Variants in MPDZ observed in about 807,000 individuals in gnomAD.
MPDZ encodes the protein multiple PDZ domain crumbs cell polarity complex component.
A neutral mutation model predicts 239.1 loss-of-function variants in MPDZ; 234 were observed. The ratio of observed to expected loss-of-function variants is 0.98; its 90% CI spans 0.88 to 1.09. The LOEUF (loss-of-function observed/expected upper bound fraction) is 1.09, where lower values mean the gene tolerates loss of function less well. MPDZ is among the 50% of genes least tolerant of loss of function. The probability of loss-of-function intolerance (pLI) is 0.00; values close to 1 mark genes in which losing one functional copy is unlikely to be tolerated. For synonymous variants in MPDZ, 1,048 were observed against 881.3 expected, an observed-to-expected ratio of 1.19 and a Z score of -3.35; for missense variants, 3,175 against 2,510.0, an observed-to-expected ratio of 1.26 and a Z score of -5.66.
intron 1 of MPDZ, among the ~76,000 whole-genome samples, chr9:13,260,261 G>GT (rs1476495799): frequency 3.9e-5 from 6 of 152,092 alleles, no homozygotes; most frequent in Admixed American, 1.3e-4. Context: ...AAGAAGCCAG[G>GT]TAAGAGGCAT....
rs760269577 is a variant in MPDZ at position 13,183,422 on chromosome 9, G to T, written c.2645C>A (p.Pro882His). 4 of 1,604,734 alleles carry T rather than the reference G, an allele frequency of 2.5e-6. No homozygotes were observed. In the East Asian group the frequency reaches 9.0e-5, roughly 36 times the overall value. ...AAATTGGCTTTTCCTTTGTACCTTA[G>T]GAGGAGATGATGGAAGGGAAGAACC... ...NYGSSLPSSP[P>H]KDVIENSCDP... The change falls in exon 19 of 47, where the codon CCT becomes CAT. Residue 882 changes from proline to histidine, a missense_variant. Pro to His is a moderately conservative substitution (Grantham distance 77). Transcript: ENST00000319217.
chr9:13,205,121 A>T lies in MPDZ; in HGVS notation c.1475-14T>A, dbSNP rs1252016740. 1 of 1,315,736 alleles carries T rather than the reference A, an allele frequency of 7.6e-7. No individual in the cohort carries two copies. The highest frequency in any genetic ancestry group is 1.5e-5 in the African/African-American group (1 of 64,820). The allele number at this position is 1,315,736 out of a possible 1,614,324, so 81.5% of individuals were successfully genotyped here. A position where few individuals can be genotyped will look rare whatever the true frequency, so the allele number is the denominator to read the frequency against. ...TTTCATAATTTTCTTAAAGATAAAA[A>T]TATTTTAGTAATTTTATCTTTAGTA... On this transcript the variant is annotated splice_polypyrimidine_tract_variant and intron_variant, in intron 11 of 46. Transcript: ENST00000319217.
chr9:13,140,382 T>TTATATATATACATATATATATATATATA (rs1947475972), intron 27 of MPDZ, among the ~76,000 whole-genome samples: 1 of 144,104 alleles, frequency 6.9e-6, no homozygotes, highest in African/African-American at 2.6e-5. Context: ...GTTAAATATT[T>TTATATATATACATATATATATATATATA]TATATATATA....
rs1301065473 is a variant in MPDZ at position 13,242,629 on chromosome 9, C to A, written c.183+5006G>T. Reference sequence around the variant, plus strand: ...ATCCAAAAAAAAAAATGCAAAAGAACAAAGGTGATTAACCAACCAACAAAT... The same window carrying A: ...ATCCAAAAAAAAAAATGCAAAAGAAAAAAGGTGATTAACCAACCAACAAAT... On this transcript the variant is annotated intron_variant, in intron 3 of 46. Transcript: ENST00000319217. Among the ~76,000 whole-genome samples the A allele has an allele frequency of 2.6e-5, 4 of 151,298 alleles. No individual in the cohort carries two copies. The South Asian group carries it at 6.3e-4, about 24-fold the overall frequency.
At chr9:13,119,724 T>C in intron 38 of MPDZ, 75 bp from the exon 39 acceptor site, 1 of 1,571,028 alleles carries the variant, frequency 6.4e-7, no homozygotes, top group East Asian at 2.2e-5. Context: ...AAAAGTTACG[T>C]TTTTACCCAA....
At chr9:13,270,840 A>G (rs1006575812) in intron 1 of MPDZ, among the ~76,000 whole-genome samples, 2 of 152,192 alleles carry the variant, frequency 1.3e-5, no homozygotes, top group African/African-American at 4.8e-5. Flanking sequence ...AATGGCAATT[A>G]TTTGAATAAT....
Position 13,123,255 on chromosome 9 carries a change from A to G in MPDZ, c.4851T>C (p.Pro1617=). The G allele has an allele frequency of 6.2e-7, 1 of 1,613,234 alleles. No individual in the cohort carries two copies. The highest frequency in any genetic ancestry group is 8.5e-7 in the Non-Finnish European group (1 of 1,179,636). Reference sequence around the variant, plus strand: ...AGCCAGGGATAATGGGGCAGGTTGCAGGATCAGAAGCAAAAATTGCTGGTG... The same window carrying G: ...AGCCAGGGATAATGGGGCAGGTTGCGGGATCAGAAGCAAAAATTGCTGGTG... The part of the protein sequence containing the change: ...SSTPAIFASD[P]ATCPIIPGCE... The change falls in exon 36 of 47, where the codon CCT becomes CCC. Residue 1617 remains proline, a synonymous_variant. Coordinates refer to ENST00000319217, the MANE Select transcript of MPDZ (RefSeq NM_001378778.1).
intron 1 of MPDZ, among the ~76,000 whole-genome samples, chr9:13,277,780 G>T (rs10960995): frequency 0.057 from 8,656 of 152,156 alleles, 565 homozygotes; most frequent in East Asian, 0.19. Flanking sequence ...GGCCAGCCTG[G>T]TCTTGAACTC....
intron 10 of MPDZ, among the ~76,000 whole-genome samples, chr9:13,215,878 C>T (rs996919128): frequency 6.7e-6 from 1 of 149,404 alleles, no homozygotes; most frequent in African/African-American, 2.5e-5. Flanking sequence ...AGGAATCCTC[C>T]CACCTTGGCC....
At chr9:13,140,619 C>G (rs747641449) in intron 27 of MPDZ, among the ~76,000 whole-genome samples, 1 of 151,080 alleles carries the variant, frequency 6.6e-6, no homozygotes, top group Non-Finnish European at 1.5e-5. Flanking sequence ...CTATTTTAAG[C>G]CAATGAATTA....
intron 44 of MPDZ, among the ~76,000 whole-genome samples, chr9:13,110,406 T>C (rs577635583): frequency 2.0e-5 from 3 of 152,344 alleles, no homozygotes; most frequent in East Asian, 1.9e-4. Context: ...TGCTAAGGCC[T>C]GGATTTTTTT....
At chr9:13,214,958 C>T (rs1339079778) in intron 10 of MPDZ, among the ~76,000 whole-genome samples, 1 of 151,850 alleles carries the variant, frequency 6.6e-6, no homozygotes, top group Non-Finnish European at 1.5e-5. Flanking sequence ...TAAAGGACTC[C>T]TCCATTTTTT....
rs796810369 is a variant in MPDZ at position 13,214,428 on chromosome 9, G to A, written c.1290+2346C>T. Reference sequence around the variant, plus strand: ...TGCCCAGGACTGGGAGAATGGGGGAGAAGGTGACTGCTAAGGGGTACTGAA... The same window carrying A: ...TGCCCAGGACTGGGAGAATGGGGGAAAAGGTGACTGCTAAGGGGTACTGAA... On this transcript the variant is annotated intron_variant, in intron 10 of 46. Transcript: ENST00000319217. Among the ~76,000 whole-genome samples, 6 of 151,976 alleles carry A rather than the reference G, an allele frequency of 3.9e-5. No homozygotes were observed. In the East Asian group the frequency reaches 1.2e-3, roughly 30 times the overall value.
chr9:13,249,020 C>T (rs1032439532), intron 2 of MPDZ, among the ~76,000 whole-genome samples: 2 of 105,200 alleles, frequency 1.9e-5, no homozygotes, highest in Non-Finnish European at 4.2e-5. Context: ...TTGGAATCAT[C>T]ACCAGAGATA....
intron 1 of MPDZ, among the ~76,000 whole-genome samples, chr9:13,272,809 G>C (rs13297131): frequency 0.15 from 22,660 of 151,830 alleles, 1,899 homozygotes; most frequent in Non-Finnish European, 0.16. Flanking sequence ...TGTGGGGAGT[G>C]AGAAGCCGAG....
intron 25 of MPDZ, 25 bp from the exon 26 acceptor site, chr9:13,147,683 C>T (rs1313401653): frequency 1.3e-6 from 2 of 1,562,414 alleles, no homozygotes; most frequent in Admixed American, 3.4e-5. Context: ...CTCAGCTTAA[C>T]ATTTCAAGAA....
intron 19 of MPDZ, among the ~76,000 whole-genome samples, chr9:13,181,531 A>C (rs1953330444): frequency 6.6e-6 from 1 of 152,190 alleles, no homozygotes. Flanking sequence ...GGAGTTTCAC[A>C]ATGTGTTTTA....
In MPDZ at chr9:13,176,247, A is replaced by G. The variant is rs1952472104; in HGVS notation, c.2820T>C (p.Ile940=). The G allele has an allele frequency of 6.2e-7, 1 of 1,607,788 alleles. No individual in the cohort carries two copies. Among genetic ancestry groups the G allele is most frequent in the African/African-American group, 1.3e-5 (1 of 74,890 alleles). The stretch of plus-strand genomic sequence containing the variant: ...TGTTTTCACATTCATATTGTTGTTC[A>G]ATAGCATTTGCAGGTGTGTAGTCAT... The part of the protein sequence containing the change: ...TINDYTPANA[I]EQQYECENTI... The change falls in exon 20 of 47, where the codon ATT becomes ATC. Residue 940 remains isoleucine (I), a synonymous_variant. Transcript: ENST00000319217.
intron 19 of MPDZ, among the ~76,000 whole-genome samples, chr9:13,182,883 G>A (rs917046001): frequency 3.9e-5 from 6 of 152,114 alleles, no homozygotes; most frequent in African/African-American, 1.4e-4. Flanking sequence ...TAAATTCTTC[G>A]TTCACATCCA....
Sources: allele counts gnomAD v4.1 joint callset (sites outside exome capture counted in the v4.1 genomes callset), GRCh38; gene constraint gnomAD v4.1.1; transcripts MANE v1.5; gene names NCBI Gene and HGNC (gene_info 2026-07-23, HGNC 2026-07-21).